The following SRGAP3 variants were observed in gnomAD, a reference collection of about 807,000 sequenced individuals.
SRGAP3 encodes the protein SLIT-ROBO Rho GTPase activating protein 3, also known as SLIT-ROBO Rho GTPase-activating protein 3.
SRGAP3 carries 39 observed loss-of-function variants against 121.1 expected under a neutral mutation model. The ratio of observed to expected loss-of-function variants is 0.32; its 90% CI spans 0.25 to 0.42. The LOEUF (loss-of-function observed/expected upper bound fraction) is 0.42, where lower values mean the gene tolerates loss of function less well. SRGAP3 is among the 10% of genes least tolerant of loss of function. The probability of loss-of-function intolerance (pLI) is 1.00; values close to 1 mark genes in which losing one functional copy is unlikely to be tolerated. For synonymous variants in SRGAP3, 601 were observed against 570.0 expected (o/e 1.05, Z -0.77); for missense variants, 1,213 against 1,470.6 (o/e 0.82, Z 2.86).
intron 13 of SRGAP3, among the ~76,000 whole-genome samples, chr3:9,026,106 G>A (rs572420458): frequency 1.3e-5 from 2 of 151,980 alleles, no homozygotes; most frequent in African/African-American, 4.8e-5. Flanking sequence ...CTTTCCACTC[G>A]CCATCCTCCA....
intron 1 of SRGAP3, among the ~76,000 whole-genome samples, chr3:9,342,274 C>T (rs1365224826): frequency 1.3e-5 from 2 of 151,972 alleles, no homozygotes; most frequent in Non-Finnish European, 2.9e-5. Flanking sequence ...TCGCTTGAAC[C>T]CGGGAGGCAG....
At chr3:9,078,702 C>T (rs1254382288) in intron 4 of SRGAP3, among the ~76,000 whole-genome samples, 1 of 152,172 alleles carries the variant, frequency 6.6e-6, no homozygotes, top group Non-Finnish European at 1.5e-5. Context: ...AAATCTGTGC[C>T]TTAACCCAGC....
chr3:9,023,293 C>CTGGGGAAAA (rs749524077), intron 14 of SRGAP3, among the ~76,000 whole-genome samples: 3 of 152,302 alleles, frequency 2.0e-5, no homozygotes, highest in Non-Finnish European at 4.4e-5. Flanking sequence ...ATGTAAGGAG[C>CTGGGGAAAA]TGGGGAAAAT....
At chr3:9,244,134 T>C (rs1250092063) in intron 1 of SRGAP3, among the ~76,000 whole-genome samples, 1 of 152,258 alleles carries the variant, frequency 6.6e-6, no homozygotes, top group Admixed American at 6.5e-5. Context: ...CACTGCATGA[T>C]ATACGCTCTA....
intron 2 of SRGAP3, among the ~76,000 whole-genome samples, chr3:9,115,381 T>A (rs950005518): frequency 7.2e-5 from 11 of 152,376 alleles, no homozygotes; most frequent in African/African-American, 2.4e-4. Context: ...AATTTTTACA[T>A]CTATTTTTCA....
chr3:9,165,876 T>G (rs1349902918), intron 1 of SRGAP3, among the ~76,000 whole-genome samples: 1 of 152,236 alleles, frequency 6.6e-6, no homozygotes, highest in African/African-American at 2.4e-5. Flanking sequence ...TTCACAGATC[T>G]GAATTCTGCT....
intron 3 of SRGAP3, among the ~76,000 whole-genome samples, chr3:9,097,744 C>A (rs1948046156): frequency 6.6e-6 from 1 of 152,228 alleles, no homozygotes; most frequent in South Asian, 2.1e-4. Context: ...CTTGGCTGCA[C>A]AGGCATCATC....
chr3:9,036,283 C>A (rs960232776), intron 11 of SRGAP3: 1 of 152,198 alleles, frequency 6.6e-6, no homozygotes, highest in Admixed American at 6.5e-5. Flanking sequence ...ATGGAAGATA[C>A]AGAGAGAGCC....
At chr3:9,104,949 A>T (rs1203016758) in intron 2 of SRGAP3, 107 bp from the exon 3 acceptor site, 10 of 1,375,586 alleles carry the variant, frequency 7.3e-6, no homozygotes. Flanking sequence ...TGCCCCTTCA[A>T]GGTCAGTCTT....
chr3:9,277,533 G>A (rs563676939), intron 3 of SRGAP3, among the ~76,000 whole-genome samples: 2 of 148,802 alleles, frequency 1.3e-5, no homozygotes, highest in Non-Finnish European at 3.0e-5. Context: ...GCTTGAACCC[G>A]GGAGGCGGAG....
chr3:9,299,960 G>C (rs1448140226), intron 3 of SRGAP3, among the ~76,000 whole-genome samples: 2 of 151,552 alleles, frequency 1.3e-5, no homozygotes, highest in Non-Finnish European at 2.9e-5. Context: ...GGCTCACAAG[G>C]AACCTTCACA....
At chr3:8,995,230 G>A (rs1340285159) in intron 18 of SRGAP3, among the ~76,000 whole-genome samples, 3 of 151,946 alleles carry the variant, frequency 2.0e-5, no homozygotes, top group African/African-American at 7.3e-5. Flanking sequence ...CCAACACTTC[G>A]GGAGGCTGAG....
At chr3:9,315,815 A>C (rs1415767706) in intron 3 of SRGAP3, among the ~76,000 whole-genome samples, 2 of 152,246 alleles carry the variant, frequency 1.3e-5, no homozygotes, top group African/African-American at 4.8e-5. Flanking sequence ...GATTAAAAAA[A>C]AGAATGCAAT....
chr3:9,362,368 T>G (rs539419553), intron 1 of SRGAP3, among the ~76,000 whole-genome samples: 1 of 150,924 alleles, frequency 6.6e-6, no homozygotes, highest in East Asian at 2.0e-4. Flanking sequence ...TTCACCATGT[T>G]GGCCAGCCTG....
chr3:9,335,439 G>A (rs1955675354), intron 1 of SRGAP3, among the ~76,000 whole-genome samples: 1 of 152,192 alleles, frequency 6.6e-6, no homozygotes, highest in Non-Finnish European at 1.5e-5. Flanking sequence ...GAGATTTGGG[G>A]CTTGGGCCAT....
At chr3:9,132,275 C>T (rs1461016529) in intron 1 of SRGAP3, among the ~76,000 whole-genome samples, 1 of 152,234 alleles carries the variant, frequency 6.6e-6, no homozygotes, top group African/African-American at 2.4e-5. Context: ...CTGTCACTTA[C>T]ATTACGGCTC....
chr3:9,027,110 G>A lies in SRGAP3; in HGVS notation c.1540-115C>T, dbSNP rs1056669462. 4.1e-6 allele frequency: 4 copies of A among 968,170 alleles called. No individual in the cohort carries two copies. In the Admixed American group the frequency reaches 6.9e-5, roughly 17 times the overall value. 60.0% of individuals were successfully genotyped at this position (968,170 alleles called of 1,614,324 possible). On this transcript the variant is annotated intron_variant, in intron 12 of 21. Coordinates refer to ENST00000383836, the MANE Select transcript of SRGAP3 (RefSeq NM_014850.4). ...GAATATTAGTACCATCAGATTAGTA[G>A]GAAAACAAGCAAGGAACTGCTAATC...
intron 1 of SRGAP3, among the ~76,000 whole-genome samples, chr3:9,143,030 CAGTCTCACT>C (rs1470707981): frequency 6.6e-6 from 1 of 151,628 alleles, no homozygotes; most frequent in Non-Finnish European, 1.5e-5. Flanking sequence ...GGTAGAGATG[CAGTCTCACT>C]ATGTGGCCCA....
In SRGAP3 at chr3:9,345,467, G is replaced by A. The variant is rs187171068; in HGVS notation, n.215-14871C>T. ...ACTGCACTCCAGCCTGGGTAACAGA[G>A]CAAGACCCCATCTCAAAAAAAAAAG... is the stretch of plus-strand genomic sequence containing the variant. On this transcript the variant is annotated intron_variant and non_coding_transcript_variant, in intron 1 of 3. Coordinates refer to the SRGAP3 transcript ENST00000490889. Among the ~76,000 whole-genome samples, 575 of 151,534 alleles carry A rather than the reference G, an allele frequency of 3.8e-3. 4 individuals carry two copies. The highest frequency in any genetic ancestry group is 0.013 in the African/African-American group (554 of 41,314).
Sources: gnomAD v4.1 joint callset for allele counts (sites outside exome capture counted in the v4.1 genomes callset) on GRCh38, gnomAD v4.1.1 for gene constraint, MANE v1.5 for transcripts, NCBI Gene and HGNC (gene_info 2026-07-23, HGNC 2026-07-21) for gene names.